The following DMD variants were observed in gnomAD, a reference collection of about 807,000 sequenced individuals.
DMD encodes the protein mutant dystrophin.
In DMD, 63 loss-of-function variants were observed where a neutral mutation model predicts 330.1. That is an observed-to-expected ratio of 0.19 (90% CI 0.16 to 0.24). The LOEUF (loss-of-function observed/expected upper bound fraction) is 0.24. DMD is among the 10% of genes least tolerant of loss of function. The pLI, the probability that DMD is intolerant of heterozygous loss-of-function variation, is 1.00. For missense variants in DMD, 3,344 were observed against 2,684.1 expected (o/e 1.25, Z -5.43); for synonymous variants, 1,223 against 959.8 (o/e 1.27, Z -5.07).
chrX:31,743,482 C>T (rs993166378), intron 51 of DMD, among the ~76,000 whole-genome samples: 1 of 112,337 alleles, frequency 8.9e-6, no homozygotes, highest in African/African-American at 3.2e-5. Context: ...AAAGAAAATA[C>T]GGTGCATATA....
At chrX:32,224,936 A>G (rs2097142658) in intron 43 of DMD, among the ~76,000 whole-genome samples, 1 of 111,905 alleles carries the variant, frequency 8.9e-6, no homozygotes, top group African/African-American at 3.2e-5. Flanking sequence ...CATTCTGAAT[A>G]AACAGCAAAG....
At chrX:32,413,797 T>C (rs755994796) in intron 29 of DMD, among the ~76,000 whole-genome samples, 1 of 102,628 alleles carries the variant, frequency 9.7e-6, no homozygotes, top group East Asian at 3.2e-4. Flanking sequence ...CTCTGCTCAC[T>C]GCAACCTCTG....
intron 9 of DMD, among the ~76,000 whole-genome samples, chrX:32,687,510 G>T (rs2062970675): frequency 9.0e-6 from 1 of 110,613 alleles, no homozygotes; most frequent in Admixed American, 9.8e-5. Flanking sequence ...TAGAGTTTCT[G>T]CTTGGTACTC....
At chrX:32,395,232 T>C (rs1390027690) in intron 30 of DMD, among the ~76,000 whole-genome samples, 3 of 111,737 alleles carry the variant, frequency 2.7e-5, no homozygotes, top group African/African-American at 9.7e-5. Context: ...GTTGATAGCA[T>C]TTAGTCAATT....
At chrX:32,748,317 G>T (rs1252435252) in intron 7 of DMD, among the ~76,000 whole-genome samples, 1 of 100,648 alleles carries the variant, frequency 9.9e-6, no homozygotes, top group African/African-American at 3.8e-5. Context: ...GCACTCTCCA[G>T]ACTGGGTGAC....
intron 9 of DMD, among the ~76,000 whole-genome samples, chrX:32,669,947 G>A (rs1015320362): frequency 2.7e-5 from 3 of 111,006 alleles, no homozygotes; most frequent in Admixed American, 9.6e-5. Context: ...CCCTACACAC[G>A]AAACGAACAG....
chrX:32,675,882 A>G (rs2061935429), intron 9 of DMD, among the ~76,000 whole-genome samples: 1 of 112,130 alleles, frequency 8.9e-6, no homozygotes, highest in African/African-American at 3.2e-5. Context: ...AATATCAGTT[A>G]GTAATTTTTG....
intron 12 of DMD, among the ~76,000 whole-genome samples, chrX:32,604,835 C>T (rs1421013081): frequency 3.7e-5 from 4 of 107,372 alleles, no homozygotes; most frequent in South Asian, 3.9e-4. Flanking sequence ...CCTAGGAATG[C>T]CTTTAAACAA....
intron 43 of DMD, among the ~76,000 whole-genome samples, chrX:32,242,544 A>C (rs990591957): frequency 1.8e-5 from 2 of 111,832 alleles, no homozygotes; most frequent in Non-Finnish European, 3.8e-5. Context: ...AAGCACTAGA[A>C]GGGAAATGGC....
intron 20 of DMD, among the ~76,000 whole-genome samples, chrX:32,488,297 A>T (rs904920424): frequency 9.0e-6 from 1 of 111,567 alleles, no homozygotes; most frequent in South Asian, 3.7e-4. Context: ...CTTTAAAATT[A>T]TATGCTTATC....
At chrX:33,025,429 C>A (rs2093977685) in intron 1 of DMD, among the ~76,000 whole-genome samples, 1 of 110,543 alleles carries the variant, frequency 9.0e-6, no homozygotes, top group Non-Finnish European at 1.9e-5. Flanking sequence ...CTCTTCTCTG[C>A]CATCAGATAA....
chrX:32,704,408 A>G (rs2064416799), intron 7 of DMD, among the ~76,000 whole-genome samples: 1 of 112,049 alleles, frequency 8.9e-6, no homozygotes, highest in East Asian at 2.8e-4. Flanking sequence ...GGGAAGTCCG[A>G]TTAGCCAGTC....
chrX:31,519,045 TTTCC>T (rs2072509755), intron 55 of DMD, among the ~76,000 whole-genome samples: 1 of 111,831 alleles, frequency 8.9e-6, no homozygotes, highest in Non-Finnish European at 1.9e-5. Context: ...ACTGAATAAT[TTTCC>T]AATTAGGTAT....
chrX:32,722,781 G>A (rs1370367378), intron 7 of DMD, among the ~76,000 whole-genome samples: 2 of 110,549 alleles, frequency 1.8e-5, no homozygotes, highest in East Asian at 5.7e-4. Flanking sequence ...TGTTGATTTT[G>A]TATTCCACTA....
At position 32,080,810 on chromosome X, in the gene DMD, A is replaced by C. The variant is rs189348646; in HGVS notation, c.6439-112296T>G. On this transcript the variant is annotated intron_variant, in intron 44 of 78. Coordinates refer to ENST00000357033, the MANE Select transcript of DMD (RefSeq NM_004006.3). The stretch of plus-strand genomic sequence containing the variant: ...ACAAGGTCATGACTTATTTCTGAGA[A>C]GGCTATCATCCAATGACTGATTAAT... Among the ~76,000 whole-genome samples, 628 of 111,886 alleles carry C rather than the reference A, an allele frequency of 5.6e-3. 4 individuals carry two copies. The highest frequency in any genetic ancestry group is 6.8e-3 in the Non-Finnish European group (364 of 53,204).
At chrX:32,220,308 G>C (rs1463446815) in intron 43 of DMD, among the ~76,000 whole-genome samples, 4 of 111,713 alleles carry the variant, frequency 3.6e-5, no homozygotes, top group Non-Finnish European at 1.9e-5. Context: ...ATATAAATAT[G>C]AAGTATTTAT....
At chrX:32,782,482 T>C (rs768933828) in intron 7 of DMD, among the ~76,000 whole-genome samples, 21 of 111,420 alleles carry the variant, frequency 1.9e-4, no homozygotes, top group African/African-American at 6.9e-4. Flanking sequence ...GTAAATATCA[T>C]GCTAGATGAT....
chrX:32,834,810 G>C (rs909949364), intron 4 of DMD, among the ~76,000 whole-genome samples: 10 of 111,612 alleles, frequency 9.0e-5, no homozygotes, highest in Non-Finnish European at 1.7e-4. Flanking sequence ...AGTCAGCGAA[G>C]TCTTGGTAAT....
At chrX:33,044,781 T>C (rs1264671719) in intron 1 of DMD, among the ~76,000 whole-genome samples, 2 of 112,090 alleles carry the variant, frequency 1.8e-5, no homozygotes, top group African/African-American at 3.2e-5. Flanking sequence ...GCGTTCAATG[T>C]TTCTTGACCT....
Sources: gnomAD v4.1 joint callset for allele counts (sites outside exome capture counted in the v4.1 genomes callset) on GRCh38, gnomAD v4.1.1 for gene constraint, MANE v1.5 for transcripts, NCBI Gene and HGNC (gene_info 2026-07-23, HGNC 2026-07-21) for gene names.